ADGRL2: variants seen among roughly 807,000 people sequenced by gnomAD.
The protein encoded by ADGRL2 is calcium-independent alpha-latrotoxin receptor 2.
A neutral mutation model predicts 157.4 loss-of-function variants in ADGRL2; 44 were observed. That is an observed-to-expected ratio of 0.28 (90% CI 0.22 to 0.36). ADGRL2 has a LOEUF of 0.36. Ranked by LOEUF, ADGRL2 falls within the 10% of genes least tolerant of loss-of-function variation. The pLI, the probability that ADGRL2 is intolerant of heterozygous loss-of-function variation, is 1.00. For missense variants in ADGRL2, 1,510 were observed against 1,768.9 expected, an observed-to-expected ratio of 0.85 and a Z score of 2.63; for synonymous variants, 585 against 624.7, an observed-to-expected ratio of 0.94 and a Z score of 0.95.
intron 1 of ADGRL2, among the ~76,000 whole-genome samples, chr1:81,830,538 C>T (rs1361977167): frequency 6.6e-6 from 1 of 152,110 alleles, no homozygotes; most frequent in South Asian, 2.1e-4. Flanking sequence ...GATGGAGTCT[C>T]GCTCTGTCTC....
At position 81,958,431 on chromosome 1, in the gene ADGRL2, A is replaced by G. The variant is rs72944981; in HGVS notation, c.2017+2371A>G. Among the ~76,000 whole-genome samples, 217 of 152,168 alleles carry G rather than the reference A, an allele frequency of 1.4e-3. 1 individual carries two copies. The highest frequency in any genetic ancestry group is 5.2e-3 in the African/African-American group (214 of 41,524). On this transcript the variant is annotated intron_variant, in intron 11 of 23. Transcript: ENST00000686636. ...TCAGACATGAGGACTAAAATAGCCTATTATTTCTCTATGTTCCCACTCCCT... is the reference window on the plus strand; with the variant it reads ...TCAGACATGAGGACTAAAATAGCCTGTTATTTCTCTATGTTCCCACTCCCT...
At chr1:81,553,067 A>G (rs2080189835) in intron 2 of ADGRL2, among the ~76,000 whole-genome samples, 1 of 152,168 alleles carries the variant, frequency 6.6e-6, no homozygotes, top group African/African-American at 2.4e-5. Context: ...GTTAGTGTAG[A>G]GATGACTTCC....
At chr1:81,665,287 G>A (rs1272677027) in intron 3 of ADGRL2, among the ~76,000 whole-genome samples, 1 of 152,162 alleles carries the variant, frequency 6.6e-6, no homozygotes, top group African/African-American at 2.4e-5. Context: ...GGAAATCACA[G>A]AGGAAGTGTC....
chr1:81,824,659 A>G (rs897056866), intron 1 of ADGRL2, among the ~76,000 whole-genome samples: 4 of 152,212 alleles, frequency 2.6e-5, no homozygotes, highest in African/African-American at 7.2e-5. Flanking sequence ...ACAAATGACA[A>G]CAGATAATGG....
chr1:81,695,190 T>C (rs1006689997), upstream of ADGRL2, among the ~76,000 whole-genome samples: 4 of 152,024 alleles, frequency 2.6e-5, no homozygotes, highest in African/African-American at 2.4e-5. Flanking sequence ...CTTGATAACA[T>C]ACCGTCCTTT....
intron 3 of ADGRL2, among the ~76,000 whole-genome samples, chr1:81,932,785 G>A (rs992773161): frequency 8.6e-5 from 13 of 151,826 alleles, no homozygotes; most frequent in African/African-American, 2.4e-4. Flanking sequence ...CCTCTGCCTC[G>A]CAGGTTCAAG....
At chr1:81,876,324 T>G (rs2151114706) in intron 2 of ADGRL2, among the ~76,000 whole-genome samples, 1 of 152,276 alleles carries the variant, frequency 6.6e-6, no homozygotes, top group African/African-American at 2.4e-5. Context: ...TAATTTTATA[T>G]ATACTCTGTC....
At chr1:81,618,950 A>T (rs1431934686) in intron 3 of ADGRL2, among the ~76,000 whole-genome samples, 1 of 151,954 alleles carries the variant, frequency 6.6e-6, no homozygotes, top group Non-Finnish European at 1.5e-5. Flanking sequence ...TGGTTTCCAC[A>T]TTTCCACTCA....
At chr1:81,722,642 A>G in intron 1 of ADGRL2, 1 of 1,389,966 alleles carries the variant, frequency 7.2e-7, no homozygotes, top group Non-Finnish European at 1.0e-6. Flanking sequence ...TACGATGAAG[A>G]TGCTAGTACA....
intron 3 of ADGRL2, among the ~76,000 whole-genome samples, chr1:81,924,611 G>GT (rs2095062449): frequency 6.6e-6 from 1 of 152,010 alleles, no homozygotes; most frequent in South Asian, 2.1e-4. Flanking sequence ...TTAGTATATT[G>GT]CACCTATATT....
At chr1:81,987,292 T>G in intron 22 of ADGRL2, 1 of 1,596,908 alleles carries the variant, frequency 6.3e-7, no homozygotes, top group African/African-American at 1.3e-5. Context: ...ATTACAGGAC[T>G]GACATCACAT....
At chr1:81,535,700 G>A (rs1046836287) in intron 2 of ADGRL2, among the ~76,000 whole-genome samples, 3 of 152,046 alleles carry the variant, frequency 2.0e-5, no homozygotes, top group African/African-American at 7.2e-5. Context: ...ACGCATAGCA[G>A]GATTTTGGCA....
chr1:81,713,415 T>C (rs1232829348), intron 1 of ADGRL2, among the ~76,000 whole-genome samples: 1 of 152,220 alleles, frequency 6.6e-6, no homozygotes, highest in African/African-American at 2.4e-5. Flanking sequence ...CATCAGCATG[T>C]ACCAGAAGAG....
At chr1:81,906,429 T>C (rs1300082846) in intron 2 of ADGRL2, among the ~76,000 whole-genome samples, 1 of 152,200 alleles carries the variant, frequency 6.6e-6, no homozygotes, top group Non-Finnish European at 1.5e-5. Context: ...CTCCTTTGAA[T>C]GTCCATCTGC....
In ADGRL2 at chr1:81,824,678, ATC is replaced by A. The variant is rs1432580925; in HGVS notation, c.-100-12205_-100-12204del. On this transcript the variant is annotated intron_variant, in intron 1 of 23. Coordinates refer to ENST00000686636, the MANE Select transcript of ADGRL2 (RefSeq NM_001366006.2). ...ATGACAACAGATAATGGCAGTAAGA[ATC>A]TGGAGAGGGAGAGGTTATTTTTCAG... Among the ~76,000 whole-genome samples the A allele has an allele frequency of 4.6e-5, 7 of 152,318 alleles. No individual in the cohort carries two copies. The East Asian group carries it at 1.4e-3, about 29-fold the overall frequency.
chr1:81,557,890 A>T (rs934638756), intron 2 of ADGRL2: 1 of 152,260 alleles, frequency 6.6e-6, no homozygotes, highest in East Asian at 1.9e-4. Context: ...TAATCTCTGA[A>T]TATTTGTCAC....
chr1:81,679,627 A>G (rs1043891901), intron 3 of ADGRL2, among the ~76,000 whole-genome samples: 3 of 152,208 alleles, frequency 2.0e-5, no homozygotes, highest in African/African-American at 7.2e-5. Context: ...ACCTTAGCCT[A>G]GTGTCTCAAC....
intron 13 of ADGRL2, 151 bp downstream of exon 13, chr1:81,966,760 A>G: frequency 1.5e-6 from 1 of 683,140 alleles, no homozygotes; most frequent in African/African-American, 1.8e-5. Flanking sequence ...ATGTTGGACT[A>G]GGTCAGAGAC....
intron 2 of ADGRL2, among the ~76,000 whole-genome samples, chr1:81,845,210 T>C (rs2092738913): frequency 6.6e-6 from 1 of 152,130 alleles, no homozygotes; most frequent in East Asian, 1.9e-4. Context: ...TGCATAGTAA[T>C]TTATTTAATT....
Sources: allele counts gnomAD v4.1 joint callset (sites outside exome capture counted in the v4.1 genomes callset), GRCh38; gene constraint gnomAD v4.1.1; transcripts MANE v1.5; gene names NCBI Gene and HGNC (gene_info 2026-07-23, HGNC 2026-07-21).